The following RBFOX1 variants were observed in gnomAD, a reference collection of about 807,000 sequenced individuals.
RBFOX1 encodes the protein RNA binding fox-1 homolog 1, also known as RNA binding protein fox-1 homolog 1.
A neutral mutation model predicts 57.7 loss-of-function variants in RBFOX1; 8 were observed. The observed-to-expected ratio is 0.14, with a 90% CI of 0.08 to 0.25. RBFOX1 has a LOEUF of 0.25. Among genes scored for constraint, RBFOX1 ranks in the 10% least tolerant of loss-of-function variants. The pLI is 1.00. For missense variants in RBFOX1, 611 were observed against 548.5 expected, an observed-to-expected ratio of 1.11 and a Z score of -1.14; for synonymous variants, 326 against 222.4, an observed-to-expected ratio of 1.47 and a Z score of -4.15.
chr16:6,843,657 C>G (rs1437636826), intron 3 of RBFOX1, among the ~76,000 whole-genome samples: 2 of 152,142 alleles, frequency 1.3e-5, no homozygotes, highest in Admixed American at 6.5e-5. Context: ...CCACCGCACT[C>G]CAGCCTGGGT....
intron 3 of RBFOX1, among the ~76,000 whole-genome samples, chr16:6,744,174 C>T (rs528743681): frequency 6.6e-6 from 1 of 151,842 alleles, no homozygotes; most frequent in Non-Finnish European, 1.5e-5. Context: ...GTGACTTAAT[C>T]AAGAAGACAT....
chr16:7,188,543 C>T (rs551413954), intron 4 of RBFOX1, among the ~76,000 whole-genome samples: 2 of 152,086 alleles, frequency 1.3e-5, no homozygotes, highest in African/African-American at 4.8e-5. Context: ...CCTTTTCTCC[C>T]CATCACCCAC....
intron 5 of RBFOX1, among the ~76,000 whole-genome samples, chr16:7,544,767 C>G (rs1479676438): frequency 1.3e-5 from 2 of 152,302 alleles, no homozygotes; most frequent in East Asian, 3.9e-4. Context: ...AGTAATAGCA[C>G]ATGAGATATT....
chr16:6,544,701 A>G (rs925019120), intron 2 of RBFOX1, among the ~76,000 whole-genome samples: 5 of 152,184 alleles, frequency 3.3e-5, no homozygotes, highest in African/African-American at 9.6e-5. Flanking sequence ...GGGACTCTAT[A>G]TAAGTTTGTC....
intron 3 of RBFOX1, among the ~76,000 whole-genome samples, chr16:5,777,119 AT>A (rs35771803): frequency 6.6e-6 from 1 of 152,164 alleles, no homozygotes; most frequent in Admixed American, 6.5e-5. Context: ...AACAACACAA[AT>A]TTATTACCTT....
At chr16:7,512,706 C>T (rs561840631) in intron 4 of RBFOX1, among the ~76,000 whole-genome samples, 2 of 152,204 alleles carry the variant, frequency 1.3e-5, no homozygotes, top group East Asian at 3.9e-4. Flanking sequence ...TGCTTTGGCA[C>T]CAGTGGTGCC....
At chr16:6,790,225 G>T (rs2082687923) in intron 3 of RBFOX1, among the ~76,000 whole-genome samples, 1 of 142,378 alleles carries the variant, frequency 7.0e-6, no homozygotes, top group African/African-American at 2.6e-5. Context: ...CGCTCTGTCA[G>T]CCAGGCTGGA....
rs571624830 is a variant in RBFOX1, at chr16:7,388,396, T to C, written c.28-129751T>C. ...TGAACATAACTATTGCTGGGGTGTA[T>C]AATTTAAAATCTGTAGAGTGAAGTG... On this transcript the variant is annotated intron_variant, in intron 4 of 15. Transcript: ENST00000550418. 6.6e-5 allele frequency among the ~76,000 whole-genome samples: 10 copies of C among 152,306 alleles called. No individual in the cohort carries two copies. The South Asian group carries it at 2.1e-3, about 32-fold the overall frequency.
chr16:6,784,107 C>A (rs1022097202), intron 3 of RBFOX1, among the ~76,000 whole-genome samples: 21 of 152,044 alleles, frequency 1.4e-4, no homozygotes, highest in Admixed American at 1.1e-3. Context: ...TTATTGTATA[C>A]CTCTGGGTTT....
chr16:7,102,192 T>C lies in RBFOX1; in HGVS notation c.27+50094T>C, dbSNP rs574931072. ...TCATCGGATTCCAGTTAAGCCACTG[T>C]TTGCAGGGGCATTCCCTGAGGAAAT... On this transcript the variant is annotated intron_variant, in intron 4 of 15. Transcript: ENST00000550418. 6.6e-5 allele frequency among the ~76,000 whole-genome samples: 10 copies of C among 152,296 alleles called. No individual in the cohort carries two copies. In the East Asian group the frequency reaches 1.7e-3, roughly 26 times the overall value.
intron 5 of RBFOX1, among the ~76,000 whole-genome samples, chr16:7,542,052 C>T (rs1358878352): frequency 6.6e-6 from 1 of 152,182 alleles, no homozygotes; most frequent in Non-Finnish European, 1.5e-5. Context: ...TGGGTACTGG[C>T]AGCTTTCGTG....
chr16:5,938,728 C>T (rs192734150), intron 4 of RBFOX1, among the ~76,000 whole-genome samples: 11 of 152,252 alleles, frequency 7.2e-5, no homozygotes, highest in Admixed American at 2.6e-4. Context: ...CTCCAGGTGA[C>T]ACCATCACAA....
chr16:5,950,982 C>T (rs1165773029), intron 4 of RBFOX1, among the ~76,000 whole-genome samples: 2 of 152,102 alleles, frequency 1.3e-5, no homozygotes, highest in East Asian at 1.9e-4. Context: ...CTCAGGACTT[C>T]TCACCTCAAG....
At chr16:6,475,572 G>T (rs1053037166) in intron 2 of RBFOX1, among the ~76,000 whole-genome samples, 1 of 152,170 alleles carries the variant, frequency 6.6e-6, no homozygotes, top group African/African-American at 2.4e-5. Flanking sequence ...ATTTAGAAAT[G>T]TAACCACAAG....
chr16:5,674,745 T>C (rs2050114944), intron 3 of RBFOX1, among the ~76,000 whole-genome samples: 1 of 152,210 alleles, frequency 6.6e-6, no homozygotes. Flanking sequence ...TTTTCACAGA[T>C]TTGTAACTTC....
At chr16:6,322,426 C>T (rs1044041224) in intron 2 of RBFOX1, among the ~76,000 whole-genome samples, 3 of 152,210 alleles carry the variant, frequency 2.0e-5, no homozygotes, top group African/African-American at 7.2e-5. Context: ...ACTTGCTACA[C>T]TTGGTCTCAC....
At chr16:7,268,534 G>T (rs534900860) in intron 4 of RBFOX1, among the ~76,000 whole-genome samples, 1 of 152,188 alleles carries the variant, frequency 6.6e-6, no homozygotes, top group Non-Finnish European at 1.5e-5. Flanking sequence ...TGAGGAGTTT[G>T]AATTGCCAAT....
At chr16:6,141,482 A>G (rs1015665402) in intron 1 of RBFOX1, among the ~76,000 whole-genome samples, 2 of 151,902 alleles carry the variant, frequency 1.3e-5, no homozygotes, top group Non-Finnish European at 2.9e-5. Context: ...TCTTCCAACT[A>G]TGTTCATCCT....
chr16:5,473,402 TTTTTTTTC>T (rs373210732), intron 2 of RBFOX1, among the ~76,000 whole-genome samples: 17 of 152,082 alleles, frequency 1.1e-4, no homozygotes, highest in African/African-American at 1.7e-4. Context: ...CTTACCCTGT[TTTTTTTTC>T]TTTTTTTCTT....
Sources: allele counts gnomAD v4.1 joint callset (sites outside exome capture counted in the v4.1 genomes callset), GRCh38; gene constraint gnomAD v4.1.1; transcripts MANE v1.5; gene names NCBI Gene and HGNC (gene_info 2026-07-23, HGNC 2026-07-21).